The following TMEM117 variants were observed in gnomAD, a reference collection of about 807,000 sequenced individuals.
TMEM117 encodes the protein transmembrane protein 117.
A neutral mutation model predicts 52.4 loss-of-function variants in TMEM117; 27 were observed. The ratio of observed to expected loss-of-function variants is 0.51; its 90% CI spans 0.38 to 0.71. TMEM117 has a LOEUF of 0.71. Among genes scored for constraint, TMEM117 ranks in the 30% least tolerant of loss-of-function variants. TMEM117 has a pLI of 0.00. For synonymous variants in TMEM117, 215 were observed against 206.3 expected (o/e 1.04, Z -0.36); for missense variants, 556 against 630.5 (o/e 0.88, Z 1.26).
chr12:43,922,089 A>G (rs759341692), intron 2 of TMEM117, among the ~76,000 whole-genome samples: 9 of 152,158 alleles, frequency 5.9e-5, no homozygotes, highest in Non-Finnish European at 7.4e-5. Flanking sequence ...AAAAAGCACA[A>G]TAAGGACTCC....
At chr12:44,391,289 C>T (rs1952160560), downstream of TMEM117, among the ~76,000 whole-genome samples, 1 of 152,072 alleles carries the variant, frequency 6.6e-6, no homozygotes, top group Non-Finnish European at 1.5e-5. Context: ...TAAATCTCAT[C>T]ACCACATGTC....
At chr12:43,932,086 A>G (rs193053083) in intron 2 of TMEM117, among the ~76,000 whole-genome samples, 4 of 152,236 alleles carry the variant, frequency 2.6e-5, no homozygotes, top group Admixed American at 2.6e-4. Context: ...TTACCATCAT[A>G]TTTACAGTAC....
chr12:43,805,821 G>T, the TMEM117 span: 1 of 1,377,160 alleles, frequency 7.3e-7, no homozygotes. Flanking sequence ...CCATGAAAAA[G>T]AAAACTCGCC....
At chr12:44,098,258 C>T (rs78955878) in intron 3 of TMEM117, among the ~76,000 whole-genome samples, 222 of 152,118 alleles carry the variant, frequency 1.5e-3, no homozygotes, top group Admixed American at 4.5e-3. Flanking sequence ...AGAGGTCTTA[C>T]AGTCATAGAG....
chr12:44,171,013 C>CTTTT (rs757855409), intron 4 of TMEM117, among the ~76,000 whole-genome samples: 8 of 132,142 alleles, frequency 6.1e-5, no homozygotes, highest in Non-Finnish European at 9.6e-5. Context: ...TAACAAATAT[C>CTTTT]TTTTTTTTTT....
At chr12:44,098,970 T>G (rs1201607464) in intron 3 of TMEM117, among the ~76,000 whole-genome samples, 1 of 152,064 alleles carries the variant, frequency 6.6e-6, no homozygotes, top group Non-Finnish European at 1.5e-5. Context: ...CAGCCCATGA[T>G]CTTATGGGAT....
intron 4 of TMEM117, among the ~76,000 whole-genome samples, chr12:44,154,311 G>A (rs567302258): frequency 3.3e-5 from 5 of 152,130 alleles, no homozygotes; most frequent in Admixed American, 6.6e-5. Context: ...AGACAAGGAC[G>A]CACAAAAAGA....
rs143715122 is a variant in TMEM117, at chr12:43,997,756, C to T, written c.410+53414C>T. 6.0e-3 allele frequency among the ~76,000 whole-genome samples: 914 copies of T among 152,298 alleles called. 11 individuals are homozygous for T. Among genetic ancestry groups the T allele is most frequent in the African/African-American group, 0.02 (848 of 41,574 alleles). ...ACTATAAAGCCCTGTAGGCCCACCTCCTCTTTGCCTCCTACTACCATTCTT... is the reference window on the plus strand; with the variant it reads ...ACTATAAAGCCCTGTAGGCCCACCTTCTCTTTGCCTCCTACTACCATTCTT... On this transcript the variant is annotated intron_variant, in intron 3 of 7. Transcript: ENST00000266534.
intron 3 of TMEM117, among the ~76,000 whole-genome samples, chr12:44,141,118 G>A (rs538759508): frequency 2.3e-4 from 35 of 152,162 alleles, no homozygotes; most frequent in Admixed American, 1.8e-3. Context: ...TTTAAACAGT[G>A]TTAACACTTT....
At chr12:44,157,368 ATAT>A (rs10564559) in intron 4 of TMEM117, among the ~76,000 whole-genome samples, 18,013 of 152,052 alleles carry the variant, frequency 0.12, 3,042 homozygotes, top group African/African-American at 0.38. Flanking sequence ...ATGACTGCTA[ATAT>A]TGTTAGTGTT....
intron 4 of TMEM117, among the ~76,000 whole-genome samples, chr12:44,199,839 C>T (rs7968938): frequency 1.3e-5 from 2 of 152,056 alleles, no homozygotes; most frequent in South Asian, 4.1e-4. Context: ...ACTTAGCAGC[C>T]GGGCTTGGTG....
chr12:44,228,421 C>T (rs531320895), intron 5 of TMEM117, among the ~76,000 whole-genome samples: 195 of 152,144 alleles, frequency 1.3e-3, no homozygotes, highest in African/African-American at 3.7e-3. Context: ...TTTGAGGTAT[C>T]GAACATATGT....
chr12:44,216,920 G>A (rs979996955), intron 5 of TMEM117, among the ~76,000 whole-genome samples: 1 of 152,092 alleles, frequency 6.6e-6, no homozygotes, highest in African/African-American at 2.4e-5. Flanking sequence ...TGTGGATGGG[G>A]TATCTCTTAA....
chr12:43,804,309 C>A, the TMEM117 span: 33 of 588,062 alleles, frequency 5.6e-5, no homozygotes, highest in Non-Finnish European at 9.7e-5. Context: ...CTGATAGTCA[C>A]ATAATTCAGA....
At chr12:44,232,981 G>A (rs1949951522) in intron 5 of TMEM117, among the ~76,000 whole-genome samples, 1 of 151,052 alleles carries the variant, frequency 6.6e-6, no homozygotes, top group South Asian at 2.1e-4. Context: ...TGATTTTGTA[G>A]CCAGCAAGCT....
chr12:44,180,781 T>C (rs1307017826), intron 4 of TMEM117, among the ~76,000 whole-genome samples: 2 of 152,104 alleles, frequency 1.3e-5, no homozygotes, highest in African/African-American at 4.8e-5. Flanking sequence ...GTTCCAAGTC[T>C]TTGCTATCGT....
the TMEM117 span, among the ~76,000 whole-genome samples, chr12:43,813,231 GTTTTT>G: frequency 0.015 from 926 of 62,554 alleles, 4 homozygotes; most frequent in African/African-American, 0.042. Flanking sequence ...GTTTTCTCTT[GTTTTT>G]TTTTTTTTTT....
At chr12:44,028,669 C>G (rs1946582161) in intron 3 of TMEM117, among the ~76,000 whole-genome samples, 1 of 152,180 alleles carries the variant, frequency 6.6e-6, no homozygotes, top group African/African-American at 2.4e-5. Context: ...CATGAATGAT[C>G]CGCACCTTGA....
intron 4 of TMEM117, among the ~76,000 whole-genome samples, chr12:44,145,541 G>A (rs746930400): frequency 9.2e-5 from 14 of 152,278 alleles, no homozygotes; most frequent in Middle Eastern, 3.4e-3. Flanking sequence ...AAATGCTAAC[G>A]TATAAGGTAG....
Sources: gnomAD v4.1 joint callset for allele counts (sites outside exome capture counted in the v4.1 genomes callset) on GRCh38, gnomAD v4.1.1 for gene constraint, MANE v1.5 for transcripts, NCBI Gene and HGNC (gene_info 2026-07-23, HGNC 2026-07-21) for gene names.